The following PDE4DIP variants were observed in gnomAD, a reference collection of about 807,000 sequenced individuals.
PDE4DIP encodes phosphodiesterase 4D interacting protein.
In PDE4DIP, 59 loss-of-function variants were observed where a neutral mutation model predicts 221.4. That is an observed-to-expected ratio of 0.27 (90% confidence interval 0.22 to 0.33). The LOEUF (loss-of-function observed/expected upper bound fraction) is 0.33. Among genes scored for constraint, PDE4DIP ranks in the 10% least tolerant of loss-of-function variants. PDE4DIP has a pLI of 1.00. For synonymous variants in PDE4DIP, 404 were observed against 815.9 expected (o/e 0.50, Z 8.60); for missense variants, 1,036 against 2,154.2 (o/e 0.48, Z 10.28).
At chr1:148,838,662 T>C (rs55993549) in intron 1 of PDE4DIP, among the ~76,000 whole-genome samples, 1 of 130,562 alleles carries the variant, frequency 7.7e-6, no homozygotes, top group Non-Finnish European at 1.7e-5. Context: ...CACTTTTTTT[T>C]CTTTTTTTTT....
intron 43 of PDE4DIP, 129 bp downstream of exon 46, chr1:149,030,407 A>G: frequency 1.3e-6 from 2 of 1,513,022 alleles, no homozygotes; most frequent in Non-Finnish European, 1.8e-6. Flanking sequence ...GTCCACTTGC[A>G]AGATCACAGG....
chr1:149,001,357 GGTT>G (rs2065615302), intron 23 of PDE4DIP, among the ~76,000 whole-genome samples: 1 of 146,772 alleles, frequency 6.8e-6, no homozygotes, highest in African/African-American at 2.5e-5. Flanking sequence ...TTGAGTCCAA[GGTT>G]TCTAGTGATG....
intron 33 of PDE4DIP, among the ~76,000 whole-genome samples, chr1:149,016,895 G>A (rs1327204256): frequency 6.6e-6 from 1 of 152,294 alleles, no homozygotes; most frequent in Non-Finnish European, 1.5e-5. Context: ...CATCAGTCAG[G>A]ACTTGTCACA....
At chr1:148,978,481 T>A (rs1157879153) in intron 19 of PDE4DIP, 66 bp downstream of exon 22, 5 of 999,536 alleles carry the variant, frequency 5.0e-6, no homozygotes, top group Non-Finnish European at 7.3e-6. Flanking sequence ...TTTTTTTTTT[T>A]AGTAGAGATG....
At chr1:148,962,404 T>C (rs371136719) in intron 8 of PDE4DIP, 24 bp from the exon 12 acceptor site, 5 of 1,020,804 alleles carry the variant, frequency 4.9e-6, no homozygotes, top group Non-Finnish European at 6.1e-6. Flanking sequence ...CTCCTTGTGA[T>C]TGTGATTTCT....
intron 20 of PDE4DIP, 50 bp from the exon 24 acceptor site, chr1:148,981,220 C>T: frequency 6.3e-7 from 1 of 1,594,326 alleles, no homozygotes; most frequent in Non-Finnish European, 8.6e-7. Context: ...TGTGGACTCA[C>T]TACAGTTGAT....
intron 1 of PDE4DIP, among the ~76,000 whole-genome samples, chr1:148,926,655 C>A (rs1250354354): frequency 2.0e-5 from 3 of 150,408 alleles, no homozygotes; most frequent in Non-Finnish European, 3.0e-5. Context: ...GAGGAAAATA[C>A]AATTATCTGC....
At chr1:148,934,277 C>T (rs1356144178) in intron 4 of PDE4DIP, among the ~76,000 whole-genome samples, 1 of 151,874 alleles carries the variant, frequency 6.6e-6, no homozygotes, top group Non-Finnish European at 1.5e-5. Context: ...CAGATTTTCC[C>T]TACTAGGTTC....
chr1:148,892,312 T>A (rs1553437881), intron 1 of PDE4DIP, among the ~76,000 whole-genome samples: 2 of 123,024 alleles, frequency 1.6e-5, no homozygotes, highest in South Asian at 3.0e-4. Context: ...TTTTTTTTTT[T>A]AAAGCTGAAT....
chr1:148,937,187 T>C (rs1284634938), intron 4 of PDE4DIP, among the ~76,000 whole-genome samples: 1 of 152,308 alleles, frequency 6.6e-6, no homozygotes, highest in Non-Finnish European at 1.5e-5. Flanking sequence ...TCAGCTCCAG[T>C]ATAATCTTAT....
At position 149,017,735 on chromosome 1, in the gene PDE4DIP, G is replaced by C. The variant is rs782660643; in HGVS notation, c.5519-13G>C. 3 of 1,502,724 alleles carry C rather than the reference G, an allele frequency of 2.0e-6. No individual in the cohort carries two copies. Among genetic ancestry groups the C allele is most frequent in the Non-Finnish European group, 2.8e-6 (3 of 1,087,796 alleles). 93.1% of individuals were successfully genotyped at this position (1,502,724 alleles called of 1,614,324 possible). ...CTCCCACCTCTCTTCATGTCCTGGT[G>C]GTTTGGCCGCAGGGGCTGACCTGCT... On this transcript the variant is annotated splice_polypyrimidine_tract_variant and intron_variant, in intron 33 of 43. Coordinates refer to ENST00000369354, the Ensembl canonical transcript of PDE4DIP.
In PDE4DIP at chr1:148,817,152, G is replaced by C. The variant is rs111482941; in HGVS notation, c.233+8415G>C. Among the ~76,000 whole-genome samples, 547 of 59,976 alleles carry C rather than the reference G, an allele frequency of 9.1e-3. 1 individual carries two copies. Among genetic ancestry groups the C allele is most frequent in the East Asian group, 0.026 (20 of 784 alleles). The allele number at this position is 59,976 out of a possible 152,430, so 39.3% of individuals were successfully genotyped here. A position where few individuals can be genotyped will look rare whatever the true frequency, so the allele number is the denominator to read the frequency against. On this transcript the variant is annotated intron_variant, in intron 1 of 45. Transcript: ENST00000524974. ...TGAGTAGCTGGGATTACAGGCATAC[G>C]TCACCATGCCCAGCCAATTTTGTAT...
At chr1:148,863,405 G>A (rs1411602697) in intron 2 of PDE4DIP, 100 bp downstream of exon 2, 47 of 440,072 alleles carry the variant, frequency 1.1e-4, no homozygotes, top group Non-Finnish European at 1.5e-4. Flanking sequence ...CACTATGGAT[G>A]TAGTGCAGTG....
chr1:148,907,144 C>T (rs1446328128), intron 1 of PDE4DIP, among the ~76,000 whole-genome samples: 2 of 144,036 alleles, frequency 1.4e-5, no homozygotes, highest in African/African-American at 5.3e-5. Flanking sequence ...CACCCCTTTA[C>T]CTTAAGTTTA....
At chr1:149,030,336 C>T (rs1229203668) in intron 43 of PDE4DIP, 58 bp downstream of exon 46, 1 of 1,551,424 alleles carries the variant, frequency 6.4e-7, no homozygotes, top group African/African-American at 1.4e-5. Flanking sequence ...CCATCACCAT[C>T]CGTTAGCAGA....
intron 21 of PDE4DIP, among the ~76,000 whole-genome samples, chr1:148,987,383 G>C (rs1296576829): frequency 8.5e-5 from 13 of 152,158 alleles, no homozygotes; most frequent in Non-Finnish European, 1.8e-4. Context: ...TCTTTTCCTT[G>C]ATTCTCTCCA....
chr1:148,975,043 C>T (rs1482828251), intron 17 of PDE4DIP, among the ~76,000 whole-genome samples: 94 of 131,372 alleles, frequency 7.2e-4, no homozygotes, highest in East Asian at 3.3e-3. Flanking sequence ...TAGTGGCGGG[C>T]GCCTGTAATC....
chr1:148,953,606 G>C (rs1553497070), intron 5 of PDE4DIP: 1 of 1,558,324 alleles, frequency 6.4e-7, no homozygotes, highest in Non-Finnish European at 8.9e-7. Context: ...CTGTTGTTCA[G>C]ATGATCAGGC....
chr1:148,821,217 TC>T (rs1260868028), intron 1 of PDE4DIP, among the ~76,000 whole-genome samples: 1 of 147,832 alleles, frequency 6.8e-6, no homozygotes, highest in African/African-American at 2.6e-5. Context: ...CCTAATTGCT[TC>T]CCCTGTTCCT....
Sources: gnomAD v4.1 joint callset for allele counts (sites outside exome capture counted in the v4.1 genomes callset) on GRCh38, gnomAD v4.1.1 for gene constraint, MANE v1.5 for transcripts, NCBI Gene and HGNC (gene_info 2026-07-23, HGNC 2026-07-21) for gene names.